The following RASAL2 variants were observed in gnomAD, a reference collection of about 807,000 sequenced individuals.
RASAL2 encodes RAS protein activator like 2.
RASAL2 carries 58 observed loss-of-function variants against 128.9 expected under a neutral mutation model. The observed-to-expected ratio is 0.45, with a 90% CI of 0.36 to 0.56. The LOEUF is 0.56. Among genes scored for constraint, RASAL2 ranks in the 20% least tolerant of loss-of-function variants. The pLI, the probability that RASAL2 is intolerant of heterozygous loss-of-function variation, is 0.00. For missense variants in RASAL2, 1,360 were observed against 1,601.6 expected (o/e 0.85, Z 2.57); for synonymous variants, 561 against 580.8 (o/e 0.97, Z 0.49).
intron 3 of RASAL2, among the ~76,000 whole-genome samples, chr1:178,362,717 A>G (rs1671187093): frequency 6.8e-6 from 1 of 148,110 alleles, no homozygotes; most frequent in South Asian, 2.2e-4. Flanking sequence ...TTGGTTTTTC[A>G]TTATGTTTTT....
At chr1:178,216,267 A>G (rs940374570) in intron 1 of RASAL2, among the ~76,000 whole-genome samples, 6 of 152,356 alleles carry the variant, frequency 3.9e-5, no homozygotes, top group Middle Eastern at 3.4e-3. Flanking sequence ...ACTGTTTGTG[A>G]GATTTTAAAA....
intron 1 of RASAL2, among the ~76,000 whole-genome samples, chr1:178,242,971 A>T (rs946849606): frequency 5.9e-5 from 9 of 152,092 alleles, no homozygotes; most frequent in African/African-American, 2.2e-4. Flanking sequence ...AGATAATTTT[A>T]ATGTCTGATT....
intron 3 of RASAL2, among the ~76,000 whole-genome samples, chr1:178,372,937 C>T (rs1392404836): frequency 6.6e-6 from 1 of 151,924 alleles, no homozygotes; most frequent in Non-Finnish European, 1.5e-5. Flanking sequence ...GTTGTAAATC[C>T]AGTCATATCT....
At position 178,457,909 on chromosome 1, in the gene RASAL2, C is replaced by T. The variant is rs563124335; in HGVS notation, c.2617C>T (p.Arg873Cys). ...HASVMLDVPIRLTGSQLSITQ... is the reference protein window; with the variant it reads ...HASVMLDVPICLTGSQLSITQ... ...ATCTGTCATGCTTGATGTGCCTATACGCTTGACCGGAAGCCAGCTTTCCAT... is the reference window on the plus strand; with the variant it reads ...ATCTGTCATGCTTGATGTGCCTATATGCTTGACCGGAAGCCAGCTTTCCAT... Residue 873 changes from arginine to cysteine, a missense_variant, in exon 14 of 18, where the codon CGC becomes TGC. By Grantham distance (180) the Arg-to-Cys change is radical. Coordinates refer to ENST00000367649, the MANE Select transcript of RASAL2 (RefSeq NM_170692.4). The T allele has an allele frequency of 1.3e-5, 21 of 1,614,040 alleles. No homozygotes were observed. Among genetic ancestry groups the T allele is most frequent in the South Asian group, 5.5e-5 (5 of 91,084 alleles).
At chr1:178,118,293 G>C (rs1659588603) in intron 1 of RASAL2, among the ~76,000 whole-genome samples, 1 of 151,952 alleles carries the variant, frequency 6.6e-6, no homozygotes, top group Non-Finnish European at 1.5e-5. Context: ...AGGTGGGTGG[G>C]GACGATTCAA....
At chr1:178,461,895 G>A (rs1678225432) in intron 14 of RASAL2, among the ~76,000 whole-genome samples, 1 of 152,192 alleles carries the variant, frequency 6.6e-6, no homozygotes, top group East Asian at 1.9e-4. Flanking sequence ...ACTGGCCTCA[G>A]CATAGCCAGG....
intron 1 of RASAL2, among the ~76,000 whole-genome samples, chr1:178,168,274 C>CA (rs542156463): frequency 0.022 from 2,710 of 124,780 alleles, 48 homozygotes; most frequent in African/African-American, 0.053. Context: ...TGTGAGAAGC[C>CA]AAAAAAAAAA....
intron 3 of RASAL2, among the ~76,000 whole-genome samples, chr1:178,353,249 G>A (rs138263685): frequency 6.6e-6 from 1 of 152,234 alleles, no homozygotes; most frequent in African/African-American, 2.4e-5. Context: ...CTTTGCTCAT[G>A]CGTATGAGCA....
intron 1 of RASAL2, among the ~76,000 whole-genome samples, chr1:178,177,509 G>A (rs984673873): frequency 6.6e-6 from 1 of 152,086 alleles, no homozygotes; most frequent in African/African-American, 2.4e-5. Flanking sequence ...TACTGTAAAG[G>A]AAAGAAACAT....
chr1:178,218,462 G>A (rs1663500127), intron 1 of RASAL2, among the ~76,000 whole-genome samples: 1 of 152,110 alleles, frequency 6.6e-6, no homozygotes, highest in Admixed American at 6.6e-5. Context: ...CGAGGCGGGC[G>A]GATTACCTGA....
chr1:178,342,711 T>C (rs933256968), intron 3 of RASAL2, among the ~76,000 whole-genome samples: 1 of 152,224 alleles, frequency 6.6e-6, no homozygotes, highest in African/African-American at 2.4e-5. Context: ...TTTTGTAATG[T>C]ATCTGTTTTA....
intron 1 of RASAL2, among the ~76,000 whole-genome samples, chr1:178,261,154 G>C (rs1255579458): frequency 3.9e-5 from 6 of 151,988 alleles, no homozygotes; most frequent in Non-Finnish European, 4.4e-5. Context: ...TTCCTTGCCA[G>C]TTTCCAATCT....
chr1:178,157,282 C>T (rs1175038537), intron 1 of RASAL2, among the ~76,000 whole-genome samples: 1 of 152,118 alleles, frequency 6.6e-6, no homozygotes, highest in Non-Finnish European at 1.5e-5. Context: ...TTTTACTGTG[C>T]TTTGCCTTGT....
chr1:178,431,671 G>C (rs2102797574), intron 5 of RASAL2, among the ~76,000 whole-genome samples: 1 of 152,000 alleles, frequency 6.6e-6, no homozygotes, highest in Admixed American at 6.6e-5. Flanking sequence ...AGGAAACTTA[G>C]ATGGTCATCA....
At chr1:178,421,861 A>G (rs1415673892) in intron 5 of RASAL2, among the ~76,000 whole-genome samples, 3 of 151,964 alleles carry the variant, frequency 2.0e-5, no homozygotes, top group Non-Finnish European at 4.4e-5. Context: ...TATTTATATT[A>G]TTATCTCTTT....
intron 1 of RASAL2, among the ~76,000 whole-genome samples, chr1:178,243,916 A>T (rs1453164751): frequency 3.9e-5 from 6 of 152,186 alleles, no homozygotes; most frequent in African/African-American, 1.4e-4. Flanking sequence ...TTTGTTATTC[A>T]TATCATTTTC....
intron 5 of RASAL2, among the ~76,000 whole-genome samples, chr1:178,430,749 G>C (rs894022280): frequency 1.3e-5 from 2 of 152,096 alleles, no homozygotes; most frequent in African/African-American, 2.4e-5. Context: ...TTTACTGCAT[G>C]TCACATGGCT....
At chr1:178,197,713 A>G (rs1662714441) in intron 1 of RASAL2, among the ~76,000 whole-genome samples, 1 of 151,888 alleles carries the variant, frequency 6.6e-6, no homozygotes, top group African/African-American at 2.4e-5. Flanking sequence ...TTAAAAAATT[A>G]TTATACTTTA....
At chr1:178,177,550 A>G (rs569891911) in intron 1 of RASAL2, among the ~76,000 whole-genome samples, 1 of 152,336 alleles carries the variant, frequency 6.6e-6, no homozygotes, top group African/African-American at 2.4e-5. Context: ...ATTAAAAAGG[A>G]ACAGTACCTT....
Sources: gnomAD v4.1 joint callset for allele counts (sites outside exome capture counted in the v4.1 genomes callset) on GRCh38, gnomAD v4.1.1 for gene constraint, MANE v1.5 for transcripts, NCBI Gene and HGNC (gene_info 2026-07-23, HGNC 2026-07-21) for gene names.